The following PARD3B variants were observed in gnomAD, a reference collection of about 807,000 sequenced individuals.
PARD3B encodes the protein par-3 family cell polarity regulator beta, also known as partitioning defective 3 homolog B.
PARD3B carries 103 observed loss-of-function variants against 130.2 expected under a neutral mutation model. The observed-to-expected ratio is 0.79, with a 90% CI of 0.67 to 0.93. The LOEUF is 0.93. PARD3B is among the 40% of genes least tolerant of loss of function. The pLI is 0.00. For missense variants in PARD3B, 1,609 were observed against 1,499.2 expected, an observed-to-expected ratio of 1.07 and a Z score of -1.21; for synonymous variants, 583 against 553.2, an observed-to-expected ratio of 1.05 and a Z score of -0.76.
intron 10 of PARD3B, among the ~76,000 whole-genome samples, chr2:205,150,252 T>TGTGTGTGTGCGCGCGC (rs375301293): frequency 6.2e-5 from 9 of 145,884 alleles, no homozygotes; most frequent in African/African-American, 2.3e-4. Context: ...TGTGTGTGTG[T>TGTGTGTGTGCGCGCGC]GCACACACGC....
Position 204,890,867 on chromosome 2 carries a change from T to C in PARD3B, c.223-74285T>C, listed in dbSNP as rs566106996. ...GAGGGTATTGTTTTGGATGCGGATGTTGTTTAGGATTTAAAACAACTGTGA... is the reference window on the plus strand; with the variant it reads ...GAGGGTATTGTTTTGGATGCGGATGCTGTTTAGGATTTAAAACAACTGTGA... On this transcript the variant is annotated intron_variant, in intron 2 of 22. Coordinates refer to ENST00000406610, the MANE Select transcript of PARD3B (RefSeq NM_001302769.2). This position sits in a 1 kb window ranked among gnomAD's most constrained non-coding sequence, Gnocchi z 4.9. 6.6e-6 allele frequency among the ~76,000 whole-genome samples: 1 copy of C among 152,280 alleles called. No homozygotes were observed. The highest frequency in any genetic ancestry group is 2.1e-4 in the South Asian group (1 of 4,824).
chr2:205,247,463 G>A (rs2039619434), intron 16 of PARD3B, among the ~76,000 whole-genome samples: 1 of 152,128 alleles, frequency 6.6e-6, no homozygotes, highest in South Asian at 2.1e-4. Context: ...GAATTTTAAA[G>A]CTGTCACACA....
intron 4 of PARD3B, among the ~76,000 whole-genome samples, chr2:205,051,948 G>T (rs1699219925): frequency 6.6e-6 from 1 of 152,144 alleles, no homozygotes; most frequent in South Asian, 2.1e-4. Flanking sequence ...TATCTTTCAA[G>T]ACAGTATAGC....
At chr2:204,766,333 A>G in intron 2 of PARD3B, among the ~76,000 whole-genome samples, 1 of 152,174 alleles carries the variant, frequency 6.6e-6, no homozygotes, top group East Asian at 1.9e-4. Flanking sequence ...TTCTCATTAT[A>G]AAAACAGTAA....
intron 4 of PARD3B, among the ~76,000 whole-genome samples, chr2:205,098,467 G>A (rs1440823257): frequency 4.6e-5 from 7 of 152,124 alleles, no homozygotes; most frequent in Non-Finnish European, 1.0e-4. Flanking sequence ...GAAAAACCGA[G>A]CAATAAAACT....
chr2:205,021,612 CT>C lies in PARD3B; in HGVS notation c.395-25968del, dbSNP rs1696607921. Among the ~76,000 whole-genome samples, 3 of 140,322 alleles carry C rather than the reference CT, an allele frequency of 2.1e-5. No homozygotes were observed. The highest frequency in any genetic ancestry group is 1.5e-4 in the Admixed American group (2 of 13,076). 92.1% of individuals were successfully genotyped at this position (140,322 alleles called of 152,430 possible). ...TCTTCTCTTCTCTCTCTCTCTCTCT[CT>C]CTCTCTCCCTCTCTCTTTCTCTCTC... On this transcript the variant is annotated intron_variant, in intron 3 of 22. Coordinates refer to ENST00000406610, the MANE Select transcript of PARD3B (RefSeq NM_001302769.2). This position sits in a 1 kb window ranked among gnomAD's most constrained non-coding sequence, Gnocchi z 4.5.
chr2:205,197,887 A>G (rs1470624134), intron 15 of PARD3B, among the ~76,000 whole-genome samples: 1 of 152,218 alleles, frequency 6.6e-6, no homozygotes, highest in East Asian at 1.9e-4. Flanking sequence ...CAGGAGCTGA[A>G]TAACACAGCT....
intron 22 of PARD3B, among the ~76,000 whole-genome samples, chr2:205,581,267 G>GATAGAT (rs1553552273): frequency 1.5e-3 from 161 of 109,694 alleles, no homozygotes; most frequent in African/African-American, 5.2e-3. Context: ...TATAGATATA[G>GATAGAT]ATAGATAGAT....
At chr2:205,520,030 G>C (rs1313472428) in intron 21 of PARD3B, among the ~76,000 whole-genome samples, 1 of 152,154 alleles carries the variant, frequency 6.6e-6, no homozygotes, top group East Asian at 1.9e-4. Flanking sequence ...GCTGGCTGTA[G>C]ATAATGGCTT....
chr2:205,284,590 G>GTAA (rs1559621205), intron 16 of PARD3B, among the ~76,000 whole-genome samples: 1 of 152,038 alleles, frequency 6.6e-6, no homozygotes, highest in East Asian at 1.9e-4. Flanking sequence ...ATTAATGGCG[G>GTAA]TAATAATAAT....
intron 1 of PARD3B, among the ~76,000 whole-genome samples, chr2:204,637,544 C>T (rs1436996427): frequency 6.6e-6 from 1 of 152,008 alleles, no homozygotes; most frequent in Non-Finnish European, 1.5e-5. Context: ...ATTGTAAATA[C>T]TTATGGTGAA....
intron 4 of PARD3B, among the ~76,000 whole-genome samples, chr2:205,085,696 T>G (rs1237675871): frequency 6.6e-6 from 1 of 152,090 alleles, no homozygotes; most frequent in Non-Finnish European, 1.5e-5. Context: ...TTAGCATTAT[T>G]TAAATTAATT....
At chr2:205,019,144 G>T (rs6435267) in intron 3 of PARD3B, among the ~76,000 whole-genome samples, 73,900 of 151,796 alleles carry the variant, frequency 0.49, 18,493 homozygotes, top group Admixed American at 0.56. Flanking sequence ...TTTCCCTACT[G>T]TCCAGCCCAA....
At chr2:205,213,094 A>G (rs2037730909) in intron 15 of PARD3B, among the ~76,000 whole-genome samples, 1 of 152,138 alleles carries the variant, frequency 6.6e-6, no homozygotes, top group Non-Finnish European at 1.5e-5. Context: ...GCTGTTTCAA[A>G]TAAGGCTTGT....
At chr2:205,484,231 C>G (rs1343089859) in intron 20 of PARD3B, among the ~76,000 whole-genome samples, 2 of 152,146 alleles carry the variant, frequency 1.3e-5, no homozygotes, top group Non-Finnish European at 2.9e-5. Context: ...AAAACTAATA[C>G]CTGGTACCTT....
chr2:204,883,416 TAATATATATATATATAA>T (rs1419112342), intron 2 of PARD3B, among the ~76,000 whole-genome samples: 3 of 114,872 alleles, frequency 2.6e-5, no homozygotes, highest in Non-Finnish European at 5.4e-5. Context: ...TATATATATA[TAATATATATATATATAA>T]AATATATATA....
At chr2:204,838,403 C>T (rs541596876) in intron 2 of PARD3B, among the ~76,000 whole-genome samples, 24 of 145,126 alleles carry the variant, frequency 1.7e-4, no homozygotes, top group East Asian at 4.0e-4. Flanking sequence ...TTAGTAGAGA[C>T]GGGGTTTTGC....
In PARD3B at chr2:205,615,961, A is replaced by C. The variant is rs2055420339; in HGVS notation, c.*148A>C. The C allele has an allele frequency of 1.5e-6, 1 of 681,808 alleles. No individual in the cohort carries two copies. Among genetic ancestry groups the C allele is most frequent in the South Asian group, 2.5e-5 (1 of 40,040 alleles). The allele number at this position is 681,808 out of a possible 1,614,324, so 42.2% of individuals were successfully genotyped here. A position where few individuals can be genotyped will look rare whatever the true frequency, so the allele number is the denominator to read the frequency against. On this transcript the variant is annotated 3_prime_UTR_variant, in exon 23 of 23. Transcript: ENST00000406610. ...ACTGACATTGTAACGCATGACTGCT[A>C]ATCAGAGAGAAAAAGAAGGGGAAGG...
intron 3 of PARD3B, among the ~76,000 whole-genome samples, chr2:204,984,292 TAGTC>T (rs1054662579): frequency 2.0e-5 from 3 of 152,180 alleles, no homozygotes; most frequent in Non-Finnish European, 4.4e-5. Flanking sequence ...ATCTTCTCAA[TAGTC>T]AGTTGAGACT....
Sources: allele counts gnomAD v4.1 joint callset (sites outside exome capture counted in the v4.1 genomes callset), GRCh38; gene constraint gnomAD v4.1.1; non-coding constraint Gnocchi (gnomAD v3.1); transcripts MANE v1.5; gene names NCBI Gene and HGNC (gene_info 2026-07-23, HGNC 2026-07-21).